The following BRD1 variants were observed in gnomAD, a reference collection of about 807,000 sequenced individuals.
BRD1 encodes bromodomain-containing protein 1.
In BRD1, 24 loss-of-function variants were observed where a neutral mutation model predicts 107.7. The ratio of observed to expected loss-of-function variants is 0.22; its 90% CI spans 0.16 to 0.31. The LOEUF (loss-of-function observed/expected upper bound fraction) is 0.31. BRD1 is among the 10% of genes least tolerant of loss of function. BRD1 has a pLI of 1.00. For missense variants in BRD1, 1,279 were observed against 1,638.6 expected, an observed-to-expected ratio of 0.78 and a Z score of 3.79; for synonymous variants, 744 against 686.1, an observed-to-expected ratio of 1.08 and a Z score of -1.32.
At chr22:49,778,180 G>A (rs867726171) in intron 8 of BRD1, among the ~76,000 whole-genome samples, 1 of 152,178 alleles carries the variant, frequency 6.6e-6, no homozygotes, top group Admixed American at 6.5e-5. Flanking sequence ...ACACGGGGGC[G>A]GCCTGTCCAC....
At chr22:49,790,615 T>C (rs58636707) in intron 7 of BRD1, among the ~76,000 whole-genome samples, 14,153 of 152,282 alleles carry the variant, frequency 0.093, 829 homozygotes, top group South Asian at 0.17. Flanking sequence ...CCTGGCCACC[T>C]GCTATGTCAA....
chr22:49,808,620 G>A (rs547846306), intron 2 of BRD1, among the ~76,000 whole-genome samples: 95 of 152,320 alleles, frequency 6.2e-4, no homozygotes, highest in African/African-American at 2.2e-3. Flanking sequence ...CACAGCAACA[G>A]CAATATCAAA....
chr22:49,822,589 A>G (rs932422342), intron 2 of BRD1, among the ~76,000 whole-genome samples: 2 of 152,076 alleles, frequency 1.3e-5, no homozygotes, highest in African/African-American at 4.8e-5. Context: ...GCACGCCTGC[A>G]GTCCCAGCTA....
intron 8 of BRD1, among the ~76,000 whole-genome samples, chr22:49,784,045 A>T (rs2059268226): frequency 2.6e-5 from 4 of 152,238 alleles, no homozygotes; most frequent in Admixed American, 2.6e-4. Flanking sequence ...CTCCTCCCTG[A>T]ACAGCCGAAG....
rs1179720246 is a variant in BRD1 at position 49,817,900 on chromosome 22, T to C, written c.1367+5051A>G. Among the ~76,000 whole-genome samples, 4 of 152,176 alleles carry C rather than the reference T, an allele frequency of 2.6e-5. No individual in the cohort carries two copies. The East Asian group carries it at 7.7e-4, about 29-fold the overall frequency. On this transcript the variant is annotated intron_variant, in intron 2 of 12. Transcript: ENST00000404760. ...ATCACAACTCACTGCAGCCTCGACC[T>C]CCTGGGCTCAAGCAATCCACCCACC...
intron 10 of BRD1, among the ~76,000 whole-genome samples, chr22:49,776,486 C>T (rs763986182): frequency 2.0e-5 from 3 of 152,222 alleles, no homozygotes; most frequent in Non-Finnish European, 4.4e-5. Context: ...CCAGCATGCT[C>T]CTGCCTCATT....
intron 2 of BRD1, among the ~76,000 whole-genome samples, 190 bp from the exon 3 acceptor site, chr22:49,804,550 A>G (rs1469593806): frequency 4.6e-5 from 7 of 152,194 alleles, no homozygotes; most frequent in Admixed American, 3.9e-4. Context: ...CCATTTGAAG[A>G]TTTCATCCAC....
intron 8 of BRD1, among the ~76,000 whole-genome samples, chr22:49,779,487 C>T (rs947719349): frequency 1.3e-5 from 2 of 152,134 alleles, no homozygotes; most frequent in East Asian, 1.9e-4. Context: ...TGGAATGTAC[C>T]GTGACCTCCA....
At chr22:49,785,903 C>A (rs1020908255) in intron 8 of BRD1, among the ~76,000 whole-genome samples, 1 of 152,184 alleles carries the variant, frequency 6.6e-6, no homozygotes, top group Non-Finnish European at 1.5e-5. Context: ...CACTCCCCTC[C>A]CCGGACGCTT....
chr22:49,793,202 C>T (rs1023393789), intron 7 of BRD1, among the ~76,000 whole-genome samples: 6 of 152,156 alleles, frequency 3.9e-5, no homozygotes, highest in Admixed American at 2.6e-4. Context: ...TTTCTATCAA[C>T]GTCTCCAAAT....
At chr22:49,812,470 CT>C (rs1158764622) in intron 2 of BRD1, among the ~76,000 whole-genome samples, 2 of 152,142 alleles carry the variant, frequency 1.3e-5, no homozygotes, top group Admixed American at 1.3e-4. Flanking sequence ...ACTCAGGAGG[CT>C]GAGGCATGAG....
Position 49,777,770 on chromosome 22 carries a change from C to A in BRD1, c.2901G>T (p.Pro967=), listed in dbSNP as rs549831886. 14 of 1,605,272 alleles carry A rather than the reference C, an allele frequency of 8.7e-6. No individual in the cohort carries two copies. The highest frequency in any genetic ancestry group is 1.3e-5 in the African/African-American group (1 of 74,936). The change falls in exon 9 of 13, where the codon CCG becomes CCT. Residue 967 remains proline (P), a synonymous_variant. Transcript: ENST00000404760. The stretch of plus-strand genomic sequence containing the variant: ...TGGCCTTCCTCCCCAGGCCGCCGCC[C>A]GGCTCCTGCTCGCTCCTCGCACCCC... ...GFGGARSEQE[P]GGGLGRKATP...
intron 6 of BRD1, among the ~76,000 whole-genome samples, chr22:49,796,861 G>A (rs549140361): frequency 5.9e-4 from 90 of 152,374 alleles, no homozygotes; most frequent in Middle Eastern, 3.4e-3. Flanking sequence ...CCGCGATGGC[G>A]GGAACGTGGA....
At chr22:49,785,346 C>T (rs888239067) in intron 8 of BRD1, among the ~76,000 whole-genome samples, 4 of 152,240 alleles carry the variant, frequency 2.6e-5, no homozygotes, top group African/African-American at 7.2e-5. Context: ...AGGGCCTCCA[C>T]GCACGCAGCC....
intron 2 of BRD1, among the ~76,000 whole-genome samples, chr22:49,810,949 G>A (rs1472023363): frequency 1.3e-5 from 2 of 152,122 alleles, no homozygotes; most frequent in African/African-American, 4.8e-5. Context: ...TTACACAAAT[G>A]TTCAGAGCAG....
At chr22:49,806,456 G>A (rs2059745750) in intron 2 of BRD1, 1 of 152,218 alleles carries the variant, frequency 6.6e-6, no homozygotes, top group South Asian at 2.1e-4. Context: ...CAAAATTAGA[G>A]TGAGGAAGAG....
At chr22:49,816,359 C>T (rs2059951599) in intron 2 of BRD1, among the ~76,000 whole-genome samples, 1 of 151,994 alleles carries the variant, frequency 6.6e-6, no homozygotes, top group African/African-American at 2.4e-5. Context: ...AAGAACAAAA[C>T]AAAACCTCTG....
chr22:49,791,807 A>G (rs1307510645), intron 7 of BRD1, among the ~76,000 whole-genome samples: 2 of 151,874 alleles, frequency 1.3e-5, no homozygotes, highest in Non-Finnish European at 2.9e-5. Context: ...CTTTCAGGCC[A>G]CTTGCTTCTC....
intron 5 of BRD1, 129 bp downstream of exon 5, chr22:49,798,429 C>T (rs538413473): frequency 4.1e-6 from 6 of 1,453,972 alleles, no homozygotes; most frequent in East Asian, 2.3e-5. Context: ...AAAACAAATA[C>T]GTTAAATAAA....
Sources: gnomAD v4.1 joint callset for allele counts (sites outside exome capture counted in the v4.1 genomes callset) on GRCh38, gnomAD v4.1.1 for gene constraint, MANE v1.5 for transcripts, NCBI Gene and HGNC (gene_info 2026-07-23, HGNC 2026-07-21) for gene names.